ST6GALNAC2: variants seen among roughly 807,000 people sequenced by gnomAD.
ST6GALNAC2 encodes ST6 N-acetylgalactosaminide alpha-2,6-sialyltransferase 2.
In ST6GALNAC2, 42 loss-of-function variants were observed where a neutral mutation model predicts 38.7. The observed-to-expected ratio is 1.09, with a 90% confidence interval of 0.85 to 1.40. The LOEUF (loss-of-function observed/expected upper bound fraction) is 1.40. Ranked by LOEUF, ST6GALNAC2 falls within the 40% of genes most tolerant of loss-of-function variation. The probability of loss-of-function intolerance (pLI) is 0.00; values close to 1 mark genes in which losing one functional copy is unlikely to be tolerated. For missense variants in ST6GALNAC2, 506 were observed against 481.7 expected (o/e 1.05, Z -0.47); for synonymous variants, 233 against 209.0 (o/e 1.11, Z -0.99).
chr17:76,572,815 C>T, intron 4 of ST6GALNAC2, 40 bp from the exon 5 acceptor site: 1 of 1,612,450 alleles, frequency 6.2e-7, no homozygotes, highest in African/African-American at 1.3e-5. Flanking sequence ...GCGGTTACAC[C>T]AGGCCGTCTG....
In ST6GALNAC2 at chr17:76,567,628, G is replaced by A. The variant is rs114935172; in HGVS notation, c.858-76C>T. 1.4e-3 allele frequency: 1,408 copies of A among 1,017,596 alleles called. 10 individuals carry two copies. In the African/African-American group the frequency reaches 0.016, roughly 11 times the overall value. 63.0% of individuals were successfully genotyped at this position (1,017,596 alleles called of 1,614,324 possible). On this transcript the variant is annotated intron_variant, in intron 7 of 8. Transcript: ENST00000225276. ...CACTTCACAACTACACATTCAAATA[G>A]GTGGGAAAACTTCAAAAACTGAGGG...
At chr17:76,579,688 G>C (rs1017557171) in intron 1 of ST6GALNAC2, among the ~76,000 whole-genome samples, 6 of 152,198 alleles carry the variant, frequency 3.9e-5, no homozygotes, top group Admixed American at 3.3e-4. Flanking sequence ...TTTGGTTATT[G>C]CAAGAGTGGG....
intron 1 of ST6GALNAC2, among the ~76,000 whole-genome samples, chr17:76,583,375 C>CCAAAAAAAAA (rs552258391): frequency 1.9e-4 from 19 of 97,540 alleles, no homozygotes; most frequent in East Asian, 1.9e-3. Context: ...GACTCTGTCC[C>CCAAAAAAAAA]AAAAAAAAAA....
Position 76,573,159 on chromosome 17 carries a change from T to TC in ST6GALNAC2, c.530+35dup. The TC allele has an allele frequency of 1.3e-6, 2 of 1,530,320 alleles. No homozygotes were observed. Among genetic ancestry groups the TC allele is most frequent in the Non-Finnish European group, 1.8e-6 (2 of 1,120,828 alleles). 94.8% of individuals were successfully genotyped at this position (1,530,320 alleles called of 1,614,324 possible). ...GACACCCCCACCCTCCAGGCAACTC[T>TC]CCCTCCCGCCCCTCCCCAGCTCCTA... On this transcript the variant is annotated intron_variant, in intron 4 of 8. Transcript: ENST00000225276. The surrounding 1 kb of genome is among the most constrained non-coding windows in gnomAD (Gnocchi z 5.1).
At chr17:76,580,187 G>A (rs372890005) in intron 1 of ST6GALNAC2, among the ~76,000 whole-genome samples, 3 of 152,172 alleles carry the variant, frequency 2.0e-5, no homozygotes, top group Non-Finnish European at 2.9e-5. Flanking sequence ...TTGGGAGACC[G>A]AGGTGGGTGG....
At chr17:76,568,610 C>G (rs767959924) in intron 7 of ST6GALNAC2, 103 bp downstream of exon 7, 12 of 1,072,806 alleles carry the variant, frequency 1.1e-5, no homozygotes, top group Non-Finnish European at 1.7e-5. Context: ...CTCTGGTTAT[C>G]GGTCAGTGCG....
At chr17:76,577,068 T>TC (rs201429589) in intron 2 of ST6GALNAC2, among the ~76,000 whole-genome samples, 8 of 139,484 alleles carry the variant, frequency 5.7e-5, no homozygotes, top group Non-Finnish European at 6.2e-5. Context: ...TTTTTCTTTT[T>TC]TTTTTTTTTT....
At chr17:76,567,940 G>T in intron 7 of ST6GALNAC2, 1 of 221,880 alleles carries the variant, frequency 4.5e-6, no homozygotes, top group Non-Finnish European at 9.2e-6. Context: ...GACCCACACA[G>T]TCCAAGAGTG....
chr17:76,574,921 C>A (rs2075398533), intron 2 of ST6GALNAC2, among the ~76,000 whole-genome samples: 1 of 152,112 alleles, frequency 6.6e-6, no homozygotes, highest in Non-Finnish European at 1.5e-5. Flanking sequence ...CGTGATCCAC[C>A]CGCCTCGGCC....
chr17:76,584,053 C>G (rs1277013394), intron 1 of ST6GALNAC2, among the ~76,000 whole-genome samples: 7 of 150,090 alleles, frequency 4.7e-5, no homozygotes, highest in African/African-American at 1.7e-4. Flanking sequence ...CTCCTGACCT[C>G]GTGATCCGCC....
At chr17:76,570,218 G>C (rs536173261) in intron 6 of ST6GALNAC2, 2 of 262,114 alleles carry the variant, frequency 7.6e-6, no homozygotes, top group Non-Finnish European at 1.5e-5. Flanking sequence ...TCTGTGACCC[G>C]GAGCCGCTGG....
At chr17:76,581,007 C>T (rs1255724767) in intron 1 of ST6GALNAC2, 1 of 152,182 alleles carries the variant, frequency 6.6e-6, no homozygotes, top group African/African-American at 2.4e-5. Flanking sequence ...TCAGACCCCT[C>T]CCTTCACCCC....
At chr17:76,578,703 C>T (rs760959562) in intron 2 of ST6GALNAC2, 53 bp downstream of exon 2, 3 of 1,534,530 alleles carry the variant, frequency 2.0e-6, no homozygotes, top group Non-Finnish European at 2.7e-6. Context: ...CTTCCCTCCT[C>T]CCCACTAATT....
chr17:76,582,962 A>G (rs2075497120), intron 1 of ST6GALNAC2, among the ~76,000 whole-genome samples: 1 of 152,270 alleles, frequency 6.6e-6, no homozygotes, highest in African/African-American at 2.4e-5. Context: ...TACATTTTGA[A>G]AAGAGGAAAG....
At chr17:76,579,982 C>CA (rs1042678551) in intron 1 of ST6GALNAC2, among the ~76,000 whole-genome samples, 5 of 152,214 alleles carry the variant, frequency 3.3e-5, no homozygotes, top group South Asian at 2.1e-4. Context: ...CTGTCTCCAC[C>CA]ACTTGGCTGC....
chr17:76,565,729 T>C lies in ST6GALNAC2; in HGVS notation c.*375A>G. On this transcript the variant is annotated 3_prime_UTR_variant, in exon 9 of 9. Transcript: ENST00000225276. ...CTGGAGTCCTTGAATCACTTTAGCA[T>C]CTGGGGTAGGATGTGCCACCAGGAG... 1 of 189,352 alleles carries C rather than the reference T, an allele frequency of 5.3e-6. No individual in the cohort carries two copies. 11.7% of individuals were successfully genotyped at this position (189,352 alleles called of 1,614,324 possible). A position where few individuals can be genotyped will look rare whatever the true frequency, so the allele number is the denominator to read the frequency against.
chr17:76,585,604 C>T (rs1261824630), intron 1 of ST6GALNAC2, 80 bp downstream of exon 1: 6 of 1,401,236 alleles, frequency 4.3e-6, no homozygotes, highest in Non-Finnish European at 5.5e-6. Flanking sequence ...CTGCGGGCCG[C>T]CGGGGAGCCC....
chr17:76,572,922 C>T, intron 4 of ST6GALNAC2, 147 bp from the exon 5 acceptor site: 2 of 1,039,938 alleles, frequency 1.9e-6, no homozygotes, highest in South Asian at 2.9e-5. Context: ...AGTTGTCAAC[C>T]AGACCCCCAC....
chr17:76,574,656 A>G (rs2075394090), intron 2 of ST6GALNAC2, 117 bp from the exon 3 acceptor site: 2 of 792,760 alleles, frequency 2.5e-6, no homozygotes, highest in Non-Finnish European at 3.8e-6. Flanking sequence ...TGTCCCCTCC[A>G]GATTGGGGCC....
Sources: allele counts gnomAD v4.1 joint callset (sites outside exome capture counted in the v4.1 genomes callset), GRCh38; gene constraint gnomAD v4.1.1; non-coding constraint Gnocchi (gnomAD v3.1); transcripts MANE v1.5; gene names NCBI Gene and HGNC (gene_info 2026-07-23, HGNC 2026-07-21).